The following CCSER1 variants were observed in gnomAD, a reference collection of about 807,000 sequenced individuals.
CCSER1 encodes the protein serine-rich coiled-coil domain-containing protein 1.
A neutral mutation model predicts 82.0 loss-of-function variants in CCSER1; 41 were observed. That is an observed-to-expected ratio of 0.50 (90% CI 0.39 to 0.65). CCSER1 has a LOEUF of 0.65. Ranked by LOEUF, CCSER1 falls within the 30% of genes least tolerant of loss-of-function variation. CCSER1 has a pLI of 0.00. For synonymous variants in CCSER1, 414 were observed against 383.9 expected (o/e 1.08, Z -0.92); for missense variants, 1,119 against 1,064.2 (o/e 1.05, Z -0.72).
intron 8 of CCSER1, among the ~76,000 whole-genome samples, chr4:90,817,342 A>T (rs1190212073): frequency 6.6e-6 from 1 of 152,044 alleles, no homozygotes; most frequent in Non-Finnish European, 1.5e-5. Context: ...TTTTCTCAGC[A>T]TTAGTTATGA....
chr4:91,070,957 TAGA>T (rs1721371326), intron 9 of CCSER1, among the ~76,000 whole-genome samples: 1 of 152,194 alleles, frequency 6.6e-6, no homozygotes, highest in Admixed American at 6.5e-5. Flanking sequence ...CTTAAAATTA[TAGA>T]AGAAATACTA....
chr4:90,465,487 A>AT (rs1763506135), intron 4 of CCSER1, among the ~76,000 whole-genome samples: 1 of 151,904 alleles, frequency 6.6e-6, no homozygotes, highest in Non-Finnish European at 1.5e-5. Context: ...TGCCTGGCTA[A>AT]TTTTTTGTAT....
At position 91,496,675 on chromosome 4, in the gene CCSER1, ATAT is replaced by A. The variant is rs768043862; in HGVS notation, c.2218-101895_2218-101893del. On this transcript the variant is annotated intron_variant, in intron 10 of 10. Transcript: ENST00000509176. ...TATATTGAATATATATATATTCAAT[ATAT>A]TTGAATATATATATATTCAATATAT... Among the ~76,000 whole-genome samples, 17 of 21,660 alleles carry A rather than the reference ATAT, an allele frequency of 7.8e-4. 6 individuals are homozygous for A. Among genetic ancestry groups the A allele is most frequent in the East Asian group, 7.8e-3 (2 of 258 alleles). 14.2% of individuals were successfully genotyped at this position (21,660 alleles called of 152,430 possible).
intron 7 of CCSER1, among the ~76,000 whole-genome samples, chr4:90,785,325 A>G (rs973332087): frequency 6.6e-6 from 1 of 152,128 alleles, no homozygotes; most frequent in Non-Finnish European, 1.5e-5. Context: ...CACCACGCCC[A>G]GCCCAAACCT....
intron 4 of CCSER1, among the ~76,000 whole-genome samples, chr4:90,416,644 C>T (rs1371855258): frequency 2.0e-5 from 3 of 152,092 alleles, no homozygotes; most frequent in Non-Finnish European, 4.4e-5. Context: ...TTGTTAAAGA[C>T]GTTGTCCCAT....
intron 3 of CCSER1, among the ~76,000 whole-genome samples, chr4:90,382,963 T>C (rs1749446814): frequency 6.6e-6 from 1 of 152,170 alleles, no homozygotes; most frequent in Non-Finnish European, 1.5e-5. Flanking sequence ...AAATAGTTAT[T>C]GACTGAATTA....
At chr4:91,219,291 C>T (rs989352523) in intron 10 of CCSER1, among the ~76,000 whole-genome samples, 3 of 135,836 alleles carry the variant, frequency 2.2e-5, no homozygotes, top group Non-Finnish European at 4.7e-5. Flanking sequence ...AGTGAATAGT[C>T]AATATTTACA....
chr4:90,511,075 C>A (rs1030273418), intron 5 of CCSER1, among the ~76,000 whole-genome samples: 3 of 152,112 alleles, frequency 2.0e-5, no homozygotes, highest in Admixed American at 2.0e-4. Context: ...GTTTCTACCA[C>A]AAGGGAGTAA....
intron 10 of CCSER1, among the ~76,000 whole-genome samples, chr4:91,281,853 C>T (rs960118671): frequency 6.6e-6 from 1 of 152,090 alleles, no homozygotes; most frequent in Non-Finnish European, 1.5e-5. Context: ...ATTCCTCTTT[C>T]CCTAGTTAAA....
rs1758888152 is a variant in CCSER1 at position 91,496,717 on chromosome 4, AT to A, written c.2218-101854del. 1.5e-4 allele frequency among the ~76,000 whole-genome samples: 6 copies of A among 39,900 alleles called. 1 individual carries two copies. Among genetic ancestry groups the A allele is most frequent in the African/African-American group, 3.8e-4 (6 of 15,624 alleles). 26.2% of individuals were successfully genotyped at this position (39,900 alleles called of 152,430 possible). ...TATTCAATATATATATATATTCAAT[AT>A]ATAGAATATATATATATATTGAATA... is the stretch of plus-strand genomic sequence containing the variant. On this transcript the variant is annotated intron_variant, in intron 10 of 10. Transcript: ENST00000509176.
intron 7 of CCSER1, among the ~76,000 whole-genome samples, chr4:90,795,941 T>G (rs1411034107): frequency 6.6e-6 from 1 of 152,210 alleles, no homozygotes; most frequent in African/African-American, 2.4e-5. Context: ...ATAAAAAATA[T>G]TGGCCTGAAG....
chr4:90,928,294 A>G (rs950511590), intron 9 of CCSER1, among the ~76,000 whole-genome samples: 2 of 152,166 alleles, frequency 1.3e-5, no homozygotes, highest in Admixed American at 6.5e-5. Context: ...TAAAAACATG[A>G]TTATCTGCCA....
chr4:90,378,625 C>A (rs1561128666), intron 3 of CCSER1, among the ~76,000 whole-genome samples: 1 of 152,138 alleles, frequency 6.6e-6, no homozygotes, highest in Non-Finnish European at 1.5e-5. Flanking sequence ...ATTTTACTGG[C>A]AACTCTGTGA....
intron 5 of CCSER1, among the ~76,000 whole-genome samples, chr4:90,503,035 A>G (rs537163320): frequency 1.1e-4 from 17 of 152,324 alleles, no homozygotes; most frequent in African/African-American, 2.9e-4. Flanking sequence ...TCAGAAAATC[A>G]GAAACTGTAC....
intron 8 of CCSER1, among the ~76,000 whole-genome samples, chr4:90,868,911 G>A (rs1367590860): frequency 6.6e-6 from 1 of 151,978 alleles, no homozygotes; most frequent in Non-Finnish European, 1.5e-5. Flanking sequence ...AATAGGATGA[G>A]ATGATATCCC....
At chr4:91,575,187 C>A (rs943283164) in intron 10 of CCSER1, among the ~76,000 whole-genome samples, 1 of 151,788 alleles carries the variant, frequency 6.6e-6, no homozygotes, top group African/African-American at 2.4e-5. Flanking sequence ...GAAATGAGAT[C>A]CATATCCATA....
intron 9 of CCSER1, among the ~76,000 whole-genome samples, chr4:90,991,146 C>T (rs1477085448): frequency 6.6e-6 from 1 of 151,748 alleles, no homozygotes; most frequent in Non-Finnish European, 1.5e-5. Flanking sequence ...ATGTTCTTCC[C>T]TTCAGGTCTC....
At chr4:91,300,679 TA>T (rs1744597191) in intron 10 of CCSER1, among the ~76,000 whole-genome samples, 1 of 151,906 alleles carries the variant, frequency 6.6e-6, no homozygotes, top group South Asian at 2.1e-4. Flanking sequence ...TGAAAGATTT[TA>T]ACTAAGTACT....
chr4:90,941,608 G>A (rs1252061360), intron 9 of CCSER1, among the ~76,000 whole-genome samples: 2 of 151,964 alleles, frequency 1.3e-5, no homozygotes, highest in East Asian at 3.9e-4. Flanking sequence ...TGTATTTTGA[G>A]CTTACTTCTC....
Sources: allele counts gnomAD v4.1 joint callset (sites outside exome capture counted in the v4.1 genomes callset), GRCh38; gene constraint gnomAD v4.1.1; transcripts MANE v1.5; gene names NCBI Gene and HGNC (gene_info 2026-07-23, HGNC 2026-07-21).